The following LIPC variants were observed in gnomAD, a reference collection of about 807,000 sequenced individuals.
LIPC encodes lipase C, hepatic type, also known as hepatic triacylglycerol lipase.
LIPC carries 44 observed loss-of-function variants against 50.7 expected under a neutral mutation model. That is an observed-to-expected ratio of 0.87 (90% CI 0.68 to 1.11). The LOEUF (loss-of-function observed/expected upper bound fraction) is 1.11, where lower values mean the gene tolerates loss of function less well. LIPC is among the 50% of genes most tolerant of loss of function. The probability of loss-of-function intolerance (pLI) is 0.00; values close to 1 mark genes in which losing one functional copy is unlikely to be tolerated. For missense variants in LIPC, 697 were observed against 648.2 expected (o/e 1.08, Z -0.82); for synonymous variants, 271 against 256.4 (o/e 1.06, Z -0.54).
intron 1 of LIPC, among the ~76,000 whole-genome samples, chr15:58,536,238 T>A (rs973005530): frequency 1.3e-5 from 2 of 151,930 alleles, no homozygotes; most frequent in Non-Finnish European, 2.9e-5. Flanking sequence ...GGAGGTGAGG[T>A]GCAAAGGTAC....
chr15:58,481,587 G>A (rs1891190337), intron 1 of LIPC, among the ~76,000 whole-genome samples: 1 of 152,240 alleles, frequency 6.6e-6, no homozygotes, highest in Non-Finnish European at 1.5e-5. Flanking sequence ...CAGATCACCT[G>A]AGGTCAGGAG....
chr15:58,466,265 C>G (rs1894559606), intron 1 of LIPC, among the ~76,000 whole-genome samples: 1 of 152,206 alleles, frequency 6.6e-6, no homozygotes, highest in Non-Finnish European at 1.5e-5. Context: ...ATTAGAACTC[C>G]TAGCGGGTGA....
intron 1 of LIPC, among the ~76,000 whole-genome samples, chr15:58,515,554 C>A (rs147112377): frequency 0.014 from 1,630 of 112,692 alleles, 52 homozygotes; most frequent in African/African-American, 0.051. Flanking sequence ...ATATATATAT[C>A]TCAAAATATC....
At chr15:58,456,569 AG>A (rs1457004854) in intron 1 of LIPC, among the ~76,000 whole-genome samples, 1 of 152,192 alleles carries the variant, frequency 6.6e-6, no homozygotes, top group African/African-American at 2.4e-5. Context: ...AATAGAGACT[AG>A]GGGTGTCACT....
chr15:58,440,003 A>C (rs1893448938), intron 1 of LIPC, among the ~76,000 whole-genome samples: 1 of 152,194 alleles, frequency 6.6e-6, no homozygotes, highest in Admixed American at 6.5e-5. Flanking sequence ...CTAGGGTTGA[A>C]GGGGTGAGAA....
intron 1 of LIPC, among the ~76,000 whole-genome samples, chr15:58,432,586 A>G (rs1893161331): frequency 6.6e-6 from 1 of 152,232 alleles, no homozygotes; most frequent in Non-Finnish European, 1.5e-5. Context: ...GGTCTAAAGT[A>G]GAGATATCAT....
At position 58,453,887 on chromosome 15, in the gene LIPC, A is replaced by G. The variant is rs143320769; in HGVS notation, c.88+21767A>G. Among the ~76,000 whole-genome samples the G allele has an allele frequency of 3.8e-3, 584 of 152,150 alleles. 6 individuals are homozygous for G. The highest frequency in any genetic ancestry group is 0.013 in the African/African-American group (540 of 41,494). On this transcript the variant is annotated intron_variant, in intron 1 of 8. Transcript: ENST00000299022. The stretch of plus-strand genomic sequence containing the variant: ...GTCTCAAAAAAAAAAAAGAAAAGAA[A>G]AGAAAAAGAAAAAAAATGGATAGAA...
intron 1 of LIPC, among the ~76,000 whole-genome samples, chr15:58,526,067 C>T (rs1480186345): frequency 1.3e-5 from 2 of 152,222 alleles, no homozygotes; most frequent in Non-Finnish European, 2.9e-5. Context: ...GGTTCCAAAA[C>T]TCATACTCTT....
intron 1 of LIPC, among the ~76,000 whole-genome samples, chr15:58,509,003 A>G (rs536509546): frequency 6.6e-6 from 1 of 152,318 alleles, no homozygotes; most frequent in Non-Finnish European, 1.5e-5. Flanking sequence ...CAAACCTTAT[A>G]CAGTAGCTCT....
At chr15:58,470,613 T>G (rs77032855) in intron 1 of LIPC, among the ~76,000 whole-genome samples, 2 of 134,492 alleles carry the variant, frequency 1.5e-5, no homozygotes, top group Non-Finnish European at 3.2e-5. Context: ...TTTTTTTTTT[T>G]GGTAGAGACG....
At chr15:58,543,302 C>T (rs1425238384) in intron 4 of LIPC, among the ~76,000 whole-genome samples, 1 of 152,048 alleles carries the variant, frequency 6.6e-6, no homozygotes, top group Non-Finnish European at 1.5e-5. Flanking sequence ...AAGTCTGAGG[C>T]CCACTGATAC....
intron 1 of LIPC, among the ~76,000 whole-genome samples, chr15:58,476,517 C>A (rs1446460820): frequency 1.3e-5 from 2 of 152,196 alleles, no homozygotes; most frequent in Non-Finnish European, 2.9e-5. Flanking sequence ...GCTGGGGAAA[C>A]TGAAGCCAAC....
chr15:58,467,861 G>C (rs1041522733), intron 1 of LIPC, among the ~76,000 whole-genome samples: 2 of 152,170 alleles, frequency 1.3e-5, no homozygotes, highest in Non-Finnish European at 2.9e-5. Context: ...GGTGTTCACA[G>C]GGTTTTCCCA....
chr15:58,479,857 C>G (rs368897299), intron 1 of LIPC, among the ~76,000 whole-genome samples: 4 of 152,282 alleles, frequency 2.6e-5, no homozygotes, highest in African/African-American at 9.6e-5. Flanking sequence ...CATAAAATCA[C>G]CATTAACCCC....
chr15:58,436,780 G>A lies in LIPC; in HGVS notation c.88+4660G>A, dbSNP rs150030644. 1.1e-3 allele frequency: 522 copies of A among 456,238 alleles called. 2 individuals carry two copies. Among genetic ancestry groups the A allele is most frequent in the African/African-American group, 9.2e-3 (462 of 50,172 alleles). The allele number at this position is 456,238 out of a possible 1,614,324, so 28.3% of individuals were successfully genotyped here. On this transcript the variant is annotated intron_variant, in intron 1 of 8. Coordinates refer to ENST00000299022, the MANE Select transcript of LIPC (RefSeq NM_000236.3). ...GGGAAGAAGGCTTCTTGGAGGAGGC[G>A]GCATTTGAGTAGGGTGTTGAAGGAT...
intron 1 of LIPC, among the ~76,000 whole-genome samples, chr15:58,505,224 C>T (rs1349270992): frequency 6.6e-6 from 1 of 152,212 alleles, no homozygotes; most frequent in Non-Finnish European, 1.5e-5. Flanking sequence ...GCAGGGCTGG[C>T]AGGAGCAGAC....
intron 1 of LIPC, among the ~76,000 whole-genome samples, chr15:58,537,121 C>T (rs1893150230): frequency 1.3e-5 from 2 of 152,216 alleles, no homozygotes; most frequent in Non-Finnish European, 1.5e-5. Context: ...ATGAGAGCTT[C>T]CTCTCCCAGC....
intron 1 of LIPC, among the ~76,000 whole-genome samples, chr15:58,459,402 T>TTTC (rs1894255720): frequency 5.8e-5 from 2 of 34,318 alleles, no homozygotes; most frequent in Admixed American, 4.0e-4. Flanking sequence ...TTTTTCTTTC[T>TTTC]TTTTTTTTTT....
intron 1 of LIPC, among the ~76,000 whole-genome samples, chr15:58,465,727 G>C (rs1277451356): frequency 6.6e-6 from 1 of 152,170 alleles, no homozygotes; most frequent in African/African-American, 2.4e-5. Context: ...GGACCAGGAA[G>C]CTTGGACCCG....
Sources: gnomAD v4.1 joint callset for allele counts (sites outside exome capture counted in the v4.1 genomes callset) on GRCh38, gnomAD v4.1.1 for gene constraint, MANE v1.5 for transcripts, NCBI Gene and HGNC (gene_info 2026-07-23, HGNC 2026-07-21) for gene names.